The following WDR76 variants were observed in gnomAD, a reference collection of about 807,000 sequenced individuals.
WDR76 encodes the protein WD repeat domain 76, also known as WD repeat-containing protein 76.
In WDR76, 52 loss-of-function variants were observed where a neutral mutation model predicts 70.2. The observed-to-expected ratio is 0.74, with a 90% CI of 0.59 to 0.93. The LOEUF is 0.93. Among genes scored for constraint, WDR76 ranks in the 40% least tolerant of loss-of-function variants. The pLI, the probability that WDR76 is intolerant of heterozygous loss-of-function variation, is 0.00. For synonymous variants in WDR76, 292 were observed against 271.1 expected (o/e 1.08, Z -0.76); for missense variants, 756 against 760.2 (o/e 0.99, Z 0.07).
intron 8 of WDR76, 117 bp from the exon 9 acceptor site, chr15:43,850,970 C>T (rs1161573150): frequency 1.5e-5 from 20 of 1,310,506 alleles, no homozygotes; most frequent in Non-Finnish European, 2.1e-5. Context: ...CAATTATAGA[C>T]TAAGAAAAGA....
At chr15:43,828,906 T>C (rs1376513996) in intron 2 of WDR76, among the ~76,000 whole-genome samples, 1 of 2,872 alleles carries the variant, frequency 3.5e-4, no homozygotes, top group Middle Eastern at 0.05. Flanking sequence ...AATTTTTTTC[T>C]TTTTTTTTTT....
chr15:43,843,282 A>G (rs1430838670), intron 7 of WDR76, among the ~76,000 whole-genome samples: 2 of 151,846 alleles, frequency 1.3e-5, no homozygotes, highest in Non-Finnish European at 2.9e-5. Flanking sequence ...TGGACTCCCA[A>G]AGTGCTGGGA....
Position 43,828,339 on chromosome 15 carries a change from C to T in WDR76, c.435C>T (p.Asp145=). The stretch of plus-strand genomic sequence containing the variant: ...ATGTGGAAAGTAGTCAGGATGGAGA[C>T]AGTGATGAAGATACCACACCATCCC... ...SVDVESSQDG[D]SDEDTTPSLD... is the part of the protein sequence containing the mutation. Residue 145 remains aspartate, a synonymous_variant, in exon 2 of 13, where the codon GAC becomes GAT. Transcript: ENST00000263795. The T allele has an allele frequency of 1.2e-6, 2 of 1,613,370 alleles. No individual in the cohort carries two copies. The highest frequency in any genetic ancestry group is 1.7e-6 in the Non-Finnish European group (2 of 1,179,872).
chr15:43,839,251 A>G (rs2087693109), intron 4 of WDR76, among the ~76,000 whole-genome samples: 1 of 152,176 alleles, frequency 6.6e-6, no homozygotes, highest in African/African-American at 2.4e-5. Flanking sequence ...AGCATGTACA[A>G]ATGTATGTGT....
At chr15:43,829,970 G>A (rs889581690) in intron 2 of WDR76, among the ~76,000 whole-genome samples, 1 of 151,730 alleles carries the variant, frequency 6.6e-6, no homozygotes, top group Non-Finnish European at 1.5e-5. Flanking sequence ...AGAAGTTGGG[G>A]CATACAATTT....
At chr15:43,854,875 C>T (rs748645083) in intron 9 of WDR76, among the ~76,000 whole-genome samples, 51 of 151,360 alleles carry the variant, frequency 3.4e-4, no homozygotes, top group Non-Finnish European at 6.2e-4. Flanking sequence ...CGCTTGAACC[C>T]AGGAGGCAGA....
At chr15:43,842,143 GTC>G (rs1234630846) in intron 5 of WDR76, among the ~76,000 whole-genome samples, 1 of 152,210 alleles carries the variant, frequency 6.6e-6, no homozygotes, top group Non-Finnish European at 1.5e-5. Flanking sequence ...TGGGATTACA[GTC>G]TCTAAGTTTC....
chr15:43,830,813 A>G (rs1240221176), intron 2 of WDR76, among the ~76,000 whole-genome samples: 1 of 151,948 alleles, frequency 6.6e-6, no homozygotes, highest in African/African-American at 2.4e-5. Flanking sequence ...TTGGGAGGCC[A>G]CGGTGGGTGG....
chr15:43,839,868 G>GT (rs1692567821), intron 5 of WDR76, 140 bp downstream of exon 5: 4 of 1,151,018 alleles, frequency 3.5e-6, no homozygotes, highest in Admixed American at 3.2e-5. Flanking sequence ...GTTTTGTTTT[G>GT]TTTTTTTGAG....
chr15:43,856,836 A>G, intron 9 of WDR76, 110 bp from the exon 10 acceptor site: 1 of 890,516 alleles, frequency 1.1e-6, no homozygotes, highest in Non-Finnish European at 1.7e-6. Context: ...GAGAGGATAA[A>G]TGAGGTTATT....
rs2088073348 is a variant in WDR76 at position 43,866,489 on chromosome 15, C to T, written c.*97C>T. 3 of 1,342,080 alleles carry T rather than the reference C, an allele frequency of 2.2e-6. No individual in the cohort carries two copies. Among genetic ancestry groups the T allele is most frequent in the East Asian group, 2.3e-5 (1 of 43,214 alleles). The allele number at this position is 1,342,080 out of a possible 1,614,324, so 83.1% of individuals were successfully genotyped here. Reference sequence around the variant, plus strand: ...AGTGTGTTTATGTGGTAATGTGTTACATTTAGCAATTATAACATTGTTTTA... The same window carrying T: ...AGTGTGTTTATGTGGTAATGTGTTATATTTAGCAATTATAACATTGTTTTA... On this transcript the variant is annotated 3_prime_UTR_variant, in exon 13 of 13. Coordinates refer to ENST00000263795, the MANE Select transcript of WDR76 (RefSeq NM_024908.4).
At position 43,867,106 on chromosome 15, in the gene WDR76, G is replaced by T. The variant is rs370065260; in HGVS notation, c.*714G>T. 1.3e-5 allele frequency: 2 copies of T among 152,118 alleles called. No individual in the cohort carries two copies. Among genetic ancestry groups the T allele is most frequent in the South Asian group, 4.1e-4 (2 of 4,826 alleles). 9.4% of individuals were successfully genotyped at this position (152,118 alleles called of 1,614,324 possible). ...AGACTCATACACTGGAAGGGGACCC[G>T]GAAAGGTAATGTAACTCAGTGATTT... On this transcript the variant is annotated 3_prime_UTR_variant, in exon 13 of 13. Coordinates refer to ENST00000263795, the MANE Select transcript of WDR76 (RefSeq NM_024908.4).
At chr15:43,843,514 ATTTC>A (rs1356715655) in intron 7 of WDR76, among the ~76,000 whole-genome samples, 2 of 152,092 alleles carry the variant, frequency 1.3e-5, no homozygotes, top group Non-Finnish European at 2.9e-5. Flanking sequence ...ATAGTGGATT[ATTTC>A]TTTAGGTTAG....
rs1341459756 is a variant in WDR76, at chr15:43,837,717, G to A, written c.608+1501G>A. Among the ~76,000 whole-genome samples, 3 of 151,946 alleles carry A rather than the reference G, an allele frequency of 2.0e-5. No individual in the cohort carries two copies. The East Asian group carries it at 5.8e-4, about 29-fold the overall frequency. ...ATACATATAAAAAGGTACATATAAT[G>A]TATTTGTGTAGTTGAAAAATTATAC... On this transcript the variant is annotated intron_variant, in intron 4 of 12. Coordinates refer to ENST00000263795, the MANE Select transcript of WDR76 (RefSeq NM_024908.4).
chr15:43,840,682 A>G (rs2087713608), intron 5 of WDR76, among the ~76,000 whole-genome samples: 1 of 152,112 alleles, frequency 6.6e-6, no homozygotes. Context: ...CTCAGCCCAC[A>G]AGAAATATAT....
chr15:43,841,732 T>TA (rs918291180), intron 5 of WDR76, among the ~76,000 whole-genome samples: 125 of 152,278 alleles, frequency 8.2e-4, no homozygotes, highest in Admixed American at 1.6e-3. Context: ...ACAAACTGTT[T>TA]AAAAAAATAC....
rs757066536 is a variant in WDR76, at chr15:43,857,171, CT to C, written c.1409+11del. The C allele has an allele frequency of 1.6e-5, 25 of 1,599,766 alleles. No individual in the cohort carries two copies. The highest frequency in any genetic ancestry group is 2.0e-5 in the Non-Finnish European group (24 of 1,172,638). On this transcript the variant is annotated intron_variant, in intron 10 of 12. Coordinates refer to ENST00000263795, the MANE Select transcript of WDR76 (RefSeq NM_024908.4). The stretch of plus-strand genomic sequence containing the variant: ...TATCACTGCCGGATTGAGGTATGGT[CT>C]TTATAAGACTTTATGACTTAGACCT...
intron 12 of WDR76, 31 bp from the exon 13 acceptor site, chr15:43,866,097 C>T: frequency 6.2e-7 from 1 of 1,609,262 alleles, no homozygotes; most frequent in Non-Finnish European, 8.5e-7. Flanking sequence ...AACCTTACTT[C>T]ATTTAAAAAA....
chr15:43,834,066 G>C (rs1463614224), intron 2 of WDR76, among the ~76,000 whole-genome samples: 1 of 151,884 alleles, frequency 6.6e-6, no homozygotes, highest in African/African-American at 2.4e-5. Flanking sequence ...TTATCTTTTT[G>C]TTCTACTTTC....
Sources: allele counts gnomAD v4.1 joint callset (sites outside exome capture counted in the v4.1 genomes callset), GRCh38; gene constraint gnomAD v4.1.1; transcripts MANE v1.5; gene names NCBI Gene and HGNC (gene_info 2026-07-23, HGNC 2026-07-21).